CLSTN2: variants seen among roughly 807,000 people sequenced by gnomAD.
CLSTN2 encodes calsyntenin-2.
CLSTN2 carries 48 observed loss-of-function variants against 101.2 expected under a neutral mutation model. The ratio of observed to expected loss-of-function variants is 0.47; its 90% confidence interval spans 0.38 to 0.60. CLSTN2 has a LOEUF of 0.60. Ranked by LOEUF, CLSTN2 falls within the 20% of genes least tolerant of loss-of-function variation. CLSTN2 has a pLI of 0.00. For synonymous variants in CLSTN2, 481 were observed against 463.6 expected (o/e 1.04, Z -0.48); for missense variants, 1,160 against 1,238.2 (o/e 0.94, Z 0.95).
chr3:140,068,475 G>A (rs184573924), intron 1 of CLSTN2, among the ~76,000 whole-genome samples: 14 of 152,316 alleles, frequency 9.2e-5, no homozygotes, highest in African/African-American at 3.1e-4. Flanking sequence ...CATGCAAATG[G>A]ACTTGAAAGA....
Position 140,140,700 on chromosome 3 carries a change from G to T in CLSTN2, c.110-35251G>T, listed in dbSNP as rs551630298. Among the ~76,000 whole-genome samples, 189 of 152,338 alleles carry T rather than the reference G, an allele frequency of 1.2e-3. 1 individual carries two copies. Among genetic ancestry groups the T allele is most frequent in the African/African-American group, 4.5e-3 (185 of 41,572 alleles). On this transcript the variant is annotated intron_variant, in intron 1 of 16. Coordinates refer to ENST00000458420, the MANE Select transcript of CLSTN2 (RefSeq NM_022131.3). Reference sequence around the variant, plus strand: ...CTCAGGAAGATCAGATTGATAAATAGTTTGTTGTTTTATTTTCCTCTTCTG... The same window carrying T: ...CTCAGGAAGATCAGATTGATAAATATTTTGTTGTTTTATTTTCCTCTTCTG...
chr3:140,563,130 T>G lies in CLSTN2; in HGVS notation c.2409T>G (p.His803Gln). Residue 803 changes from histidine (H) to glutamine (Q), a missense_variant, in exon 15 of 17, where the codon CAT becomes CAG. Coordinates refer to ENST00000458420, the MANE Select transcript of CLSTN2 (RefSeq NM_022131.3). ...DQVSDKEHVN[H>Q]LIVQPPFLQS... is the part of the protein sequence containing the mutation. ...TCTCAGATAAGGAGCATGTCAATCA[T>G]CTGATTGTGCAGCCTCCCTTCCTCC... 6.2e-7 allele frequency: 1 copy of G among 1,614,072 alleles called. No individual in the cohort carries two copies. The highest frequency in any genetic ancestry group is 8.5e-7 in the Non-Finnish European group (1 of 1,179,954).
At chr3:140,122,554 C>T (rs6764399) in intron 1 of CLSTN2, among the ~76,000 whole-genome samples, 111,149 of 152,194 alleles carry the variant, frequency 0.73, 40,743 homozygotes, top group East Asian at 0.81. Flanking sequence ...GCCTCTTGAG[C>T]GCTCTGCTGT....
At chr3:140,486,829 A>G (rs1934250398) in intron 8 of CLSTN2, among the ~76,000 whole-genome samples, 1 of 152,216 alleles carries the variant, frequency 6.6e-6, no homozygotes, top group African/African-American at 2.4e-5. Flanking sequence ...CTGAATTGGA[A>G]GTTGGGCACA....
chr3:140,374,590 G>A (rs1188707432), intron 2 of CLSTN2, among the ~76,000 whole-genome samples: 1 of 152,046 alleles, frequency 6.6e-6, no homozygotes, highest in East Asian at 1.9e-4. Context: ...AAATAATATG[G>A]TATTACAAAT....
chr3:140,214,529 T>C (rs2010898141), intron 2 of CLSTN2, among the ~76,000 whole-genome samples: 2 of 152,114 alleles, frequency 1.3e-5, no homozygotes, highest in Admixed American at 6.5e-5. Context: ...ATTCTTCAGC[T>C]TCAAAATGTC....
At chr3:139,943,718 A>G (rs1188220759) in intron 1 of CLSTN2, among the ~76,000 whole-genome samples, 1 of 152,208 alleles carries the variant, frequency 6.6e-6, no homozygotes, top group Admixed American at 6.5e-5. Flanking sequence ...TTCCCATCCC[A>G]AAGGAAATCA....
intron 2 of CLSTN2, among the ~76,000 whole-genome samples, chr3:140,216,294 G>A (rs1162018722): frequency 2.0e-5 from 3 of 152,246 alleles, no homozygotes; most frequent in African/African-American, 7.2e-5. Flanking sequence ...CGAATTAGAG[G>A]ATACAAGATC....
chr3:140,437,793 T>C (rs1420999458), intron 5 of CLSTN2, among the ~76,000 whole-genome samples: 2 of 152,274 alleles, frequency 1.3e-5, no homozygotes, highest in Non-Finnish European at 2.9e-5. Flanking sequence ...TAATTTTTTA[T>C]CCTCATATGA....
chr3:140,202,689 T>C (rs2010732027), intron 2 of CLSTN2, among the ~76,000 whole-genome samples: 1 of 152,146 alleles, frequency 6.6e-6, no homozygotes, highest in Non-Finnish European at 1.5e-5. Context: ...GACATTCAGA[T>C]GTTCAAGAGA....
At chr3:140,405,688 A>G (rs374055833) in intron 4 of CLSTN2, among the ~76,000 whole-genome samples, 1 of 152,210 alleles carries the variant, frequency 6.6e-6, no homozygotes, top group African/African-American at 2.4e-5. Flanking sequence ...ATCACCACGA[A>G]TAGAAAACTC....
chr3:140,412,291 A>T (rs2088373803), intron 4 of CLSTN2, among the ~76,000 whole-genome samples: 1 of 152,356 alleles, frequency 6.6e-6, no homozygotes, highest in Middle Eastern at 3.4e-3. Flanking sequence ...CTGGGATTAC[A>T]GGTGTGAGCC....
rs539370889 is a variant in CLSTN2 at position 140,270,831 on chromosome 3, T to G, written c.232+94758T>G. On this transcript the variant is annotated intron_variant, in intron 2 of 16. Transcript: ENST00000458420. ...TTTACCTAGTCGCTGGTAGCAGAAC[T>G]CCGGTACCTGTAGTCCAGAGCAGTC... Among the ~76,000 whole-genome samples, 6 of 152,272 alleles carry G rather than the reference T, an allele frequency of 3.9e-5. No homozygotes were observed. The South Asian group carries it at 1.0e-3, about 26-fold the overall frequency.
intron 5 of CLSTN2, among the ~76,000 whole-genome samples, chr3:140,438,239 C>A (rs1340540860): frequency 6.6e-6 from 1 of 151,846 alleles, no homozygotes; most frequent in East Asian, 1.9e-4. Flanking sequence ...GTGTACACTC[C>A]TAACCCTGTC....
rs552096123 is a variant in CLSTN2, at chr3:140,294,976, C to T, written c.233-108653C>T. On this transcript the variant is annotated intron_variant, in intron 2 of 16. Coordinates refer to ENST00000458420, the MANE Select transcript of CLSTN2 (RefSeq NM_022131.3). The stretch of plus-strand genomic sequence containing the variant: ...CGGTTTTGTCCTTATGACCTAATTA[C>T]CTCCAGAAGGCCCCACCTCCTAAAT... Among the ~76,000 whole-genome samples, 4 of 152,280 alleles carry T rather than the reference C, an allele frequency of 2.6e-5. No homozygotes were observed. In the East Asian group the frequency reaches 7.7e-4, roughly 29 times the overall value.
intron 2 of CLSTN2, among the ~76,000 whole-genome samples, chr3:140,324,051 C>T (rs2087309392): frequency 6.6e-6 from 1 of 152,252 alleles, no homozygotes; most frequent in Admixed American, 6.5e-5. Context: ...ATAAAACCAT[C>T]TGTCACACCT....
intron 1 of CLSTN2, among the ~76,000 whole-genome samples, chr3:139,993,032 A>G (rs1483463127): frequency 6.6e-6 from 1 of 152,022 alleles, no homozygotes; most frequent in Non-Finnish European, 1.5e-5. Flanking sequence ...CAATTCCCCT[A>G]TGAGGAAAGA....
At chr3:140,094,204 A>G (rs1576424607) in intron 1 of CLSTN2, among the ~76,000 whole-genome samples, 1 of 152,182 alleles carries the variant, frequency 6.6e-6, no homozygotes, top group South Asian at 2.1e-4. Context: ...CTTCCCTGCT[A>G]AAAACATCTT....
chr3:140,433,276 C>T (rs1447936557), intron 5 of CLSTN2, among the ~76,000 whole-genome samples: 1 of 152,214 alleles, frequency 6.6e-6, no homozygotes, highest in Non-Finnish European at 1.5e-5. Flanking sequence ...CCCAGGCCCA[C>T]CACTGGGACC....
Sources: gnomAD v4.1 joint callset for allele counts (sites outside exome capture counted in the v4.1 genomes callset) on GRCh38, gnomAD v4.1.1 for gene constraint, MANE v1.5 for transcripts, NCBI Gene and HGNC (gene_info 2026-07-23, HGNC 2026-07-21) for gene names.